The following KNTC1 variants were observed in gnomAD, a reference collection of about 807,000 sequenced individuals.
KNTC1 encodes the protein kinetochore associated 1.
A neutral mutation model predicts 314.4 loss-of-function variants in KNTC1; 253 were observed. The observed-to-expected ratio is 0.80, with a 90% CI of 0.73 to 0.89. The LOEUF is 0.89. Among genes scored for constraint, KNTC1 ranks in the 40% least tolerant of loss-of-function variants. KNTC1 has a pLI of 0.00. For synonymous variants in KNTC1, 901 were observed against 901.4 expected, an observed-to-expected ratio of 1.00 and a Z score of 0.01; for missense variants, 2,475 against 2,572.9, an observed-to-expected ratio of 0.96 and a Z score of 0.82.
At chr12:122,534,451 C>T (rs1961623910) in intron 2 of KNTC1, among the ~76,000 whole-genome samples, 1 of 152,184 alleles carries the variant, frequency 6.6e-6, no homozygotes, top group African/African-American at 2.4e-5. Flanking sequence ...CCTTCCTGCT[C>T]ATCCTGAACT....
In KNTC1 at chr12:122,569,816, G is replaced by A; in HGVS notation, c.1852G>A (p.Glu618Lys). The change falls in exon 22 of 64, where the codon GAA (glutamate) becomes AAA (lysine). Residue 618 changes from glutamate to lysine, a missense_variant. Physicochemically the swap from Glu to Lys is moderately conservative, Grantham distance 56. Coordinates refer to ENST00000333479, the MANE Select transcript of KNTC1 (RefSeq NM_014708.6). ...VIPFVRRTVP[E>K]GQIILAKWLE... ...TCCATTTGTAAGAAGGACTGTGCCT[G>A]AAGGACAGGTGAGTTGTCTTCAGTA... The A allele has an allele frequency of 3.1e-6, 5 of 1,610,900 alleles. No individual in the cohort carries two copies. The highest frequency in any genetic ancestry group is 4.2e-6 in the Non-Finnish European group (5 of 1,178,924).
rs566028216 is a variant in KNTC1 at position 122,622,146 on chromosome 12, G to A, written c.6369+176G>A. Among the ~76,000 whole-genome samples, 17 of 152,294 alleles carry A rather than the reference G, an allele frequency of 1.1e-4. No homozygotes were observed. In the South Asian group the frequency reaches 3.1e-3, roughly 28 times the overall value. ...TTTTTAAGAGGCAGGGACCCTGAGC[G>A]TCTTGTTGACTGCTGTACTCCATGG... On this transcript the variant is annotated intron_variant, in intron 61 of 63. Coordinates refer to ENST00000333479, the MANE Select transcript of KNTC1 (RefSeq NM_014708.6).
chr12:122,538,246 CGTT>C (rs1179452503), intron 3 of KNTC1, 90 bp from the exon 4 acceptor site: 2 of 679,428 alleles, frequency 2.9e-6, no homozygotes, highest in Admixed American at 5.5e-5. Flanking sequence ...CTTAAGTAAT[CGTT>C]GGCTTTTTAA....
chr12:122,554,076 A>AAAAAAAAATATATAT (rs370146333), intron 16 of KNTC1, among the ~76,000 whole-genome samples: 1 of 109,064 alleles, frequency 9.2e-6, no homozygotes, highest in African/African-American at 3.9e-5. Flanking sequence ...AAAAAAAAAA[A>AAAAAAAAATATATAT]ATATATATAT....
chr12:122,621,136 G>T (rs1257295902), intron 60 of KNTC1, among the ~76,000 whole-genome samples: 23 of 152,182 alleles, frequency 1.5e-4, no homozygotes, highest in Admixed American at 1.5e-3. Context: ...AGATAGAAGA[G>T]GGGGAGAGTC....
chr12:122,568,140 T>A, intron 20 of KNTC1, 121 bp from the exon 21 acceptor site: 1 of 611,180 alleles, frequency 1.6e-6, no homozygotes, highest in Non-Finnish European at 2.9e-6. Flanking sequence ...TTTTTTTAGT[T>A]TTTTGTTTTT....
In KNTC1 at chr12:122,587,787, GC is replaced by G. The variant is rs746626119; in HGVS notation, c.3808del (p.Leu1270Ter). 49 of 1,613,678 alleles carry G rather than the reference GC, an allele frequency of 3.0e-5. No individual in the cohort carries two copies. Among genetic ancestry groups the G allele is most frequent in the Non-Finnish European group, 4.0e-5 (47 of 1,179,778 alleles). On this transcript the variant is annotated frameshift_variant, in exon 39 of 64. Coordinates refer to ENST00000333479, the MANE Select transcript of KNTC1 (RefSeq NM_014708.6). LOFTEE classifies it high-confidence loss of function. ...QNLQESSQWE[L>X]ALRFVVGSFG... ...ATCTTCAGGAATCTAGCCAGTGGGAGCTAGCCCTAAGATTTGTGGTTGGTTC... is the reference window on the plus strand; with the variant it reads ...ATCTTCAGGAATCTAGCCAGTGGGAGTAGCCCTAAGATTTGTGGTTGGTTC...
intron 16 of KNTC1, 115 bp from the exon 17 acceptor site, chr12:122,557,269 G>A (rs145524830): frequency 1.1e-5 from 10 of 893,468 alleles, no homozygotes; most frequent in South Asian, 3.4e-5. Context: ...TTCCTGGAGC[G>A]CATGAGGATT....
chr12:122,561,162 A>T (rs1003243103), intron 18 of KNTC1, among the ~76,000 whole-genome samples: 1 of 151,892 alleles, frequency 6.6e-6, no homozygotes, highest in African/African-American at 2.4e-5. Context: ...AAATACAAAA[A>T]TAATTAGCCA....
Position 122,557,362 on chromosome 12 carries a change from A to G in KNTC1, c.1273-22A>G, listed in dbSNP as rs775316453. 5.0e-6 allele frequency: 8 copies of G among 1,601,820 alleles called. No individual in the cohort carries two copies. In the Admixed American group the frequency reaches 5.2e-5, roughly 10 times the overall value. The stretch of plus-strand genomic sequence containing the variant: ...GTATTATTGTACTTCAAATTGCTTG[A>G]TGTGGCGTGTTTATATTACAGCTTG... On this transcript the variant is annotated intron_variant, in intron 16 of 63. Transcript: ENST00000333479.
At position 122,579,403 on chromosome 12, in the gene KNTC1, G is replaced by A. The variant is rs570880083; in HGVS notation, c.2842-502G>A. On this transcript the variant is annotated intron_variant, in intron 31 of 63. Transcript: ENST00000333479. ...TTAAGTACCAGTTTGAATTGCTCCC[G>A]TTATGAAAATATTTGAATTTTTTTA... is the stretch of plus-strand genomic sequence containing the variant. Among the ~76,000 whole-genome samples the A allele has an allele frequency of 1.2e-3, 183 of 152,150 alleles. 1 individual carries two copies. Among genetic ancestry groups the A allele is most frequent in the Non-Finnish European group, 2.3e-3 (158 of 68,008 alleles).
At chr12:122,543,538 G>A (rs1962511560) in intron 6 of KNTC1, 62 bp from the exon 7 acceptor site, 2 of 1,168,408 alleles carry the variant, frequency 1.7e-6, no homozygotes, top group Non-Finnish European at 2.4e-6. Flanking sequence ...CACAAAACAG[G>A]TGACTTGTAT....
chr12:122,585,627 G>A lies in KNTC1; in HGVS notation c.3535-9G>A, dbSNP rs923790830. The stretch of plus-strand genomic sequence containing the variant: ...GAGTTCTCTCTTTTTTGTATGATTT[G>A]GCACCTAGGCTTCTTTTGGGACACA... On this transcript the variant is annotated splice_polypyrimidine_tract_variant and intron_variant, in intron 36 of 63. Transcript: ENST00000333479. 22 of 1,612,892 alleles carry A rather than the reference G, an allele frequency of 1.4e-5. No individual in the cohort carries two copies. Among genetic ancestry groups the A allele is most frequent in the African/African-American group, 4.0e-5 (3 of 74,818 alleles).
rs138341445 is a variant in KNTC1 at position 122,531,533 on chromosome 12, G to T, written c.129+1341G>T. Reference sequence around the variant, plus strand: ...TAAATGTACCATGAATCATGTTAAAGGCAGTATAATCCAACAATAAGATAA... The same window carrying T: ...TAAATGTACCATGAATCATGTTAAATGCAGTATAATCCAACAATAAGATAA... On this transcript the variant is annotated intron_variant, in intron 2 of 63. Transcript: ENST00000333479. Among the ~76,000 whole-genome samples, 18 of 152,206 alleles carry T rather than the reference G, an allele frequency of 1.2e-4. No homozygotes were observed. In the East Asian group the frequency reaches 3.5e-3, roughly 29 times the overall value.
At chr12:122,586,227 C>T (rs1175856633) in intron 37 of KNTC1, among the ~76,000 whole-genome samples, 2 of 152,150 alleles carry the variant, frequency 1.3e-5, no homozygotes, top group African/African-American at 2.4e-5. Flanking sequence ...GAATTACAGG[C>T]TCATGCCACC....
intron 34 of KNTC1, among the ~76,000 whole-genome samples, chr12:122,583,472 T>G (rs1251518844): frequency 3.3e-5 from 5 of 152,182 alleles, no homozygotes; most frequent in Non-Finnish European, 5.9e-5. Flanking sequence ...TTAGGTAACA[T>G]AACCATTAAA....
At chr12:122,622,116 T>A in intron 61 of KNTC1, 146 bp downstream of exon 61, 1 of 704,062 alleles carries the variant, frequency 1.4e-6, no homozygotes, top group Non-Finnish European at 2.4e-6. Flanking sequence ...AAAACCTCAG[T>A]AAATTTTTTA....
rs1314977511 is a variant in KNTC1, at chr12:122,604,953, T to C, written c.5252T>C (p.Val1751Ala). 6.2e-7 allele frequency: 1 copy of C among 1,612,086 alleles called. No homozygotes were observed. The highest frequency in any genetic ancestry group is 1.7e-5 in the Admixed American group (1 of 59,728). ...IQYRRSGTEA[V>A]LIAHKLNTEE... ...TACCGGCGATCGGGCACAGAAGCTG[T>C]GCTCATAGCCCACAAGCTGAACACT... The change falls in exon 50 of 64, where the codon GTG becomes GCG. Residue 1751 changes from valine (V) to alanine (A), a missense_variant. Coordinates refer to ENST00000333479, the MANE Select transcript of KNTC1 (RefSeq NM_014708.6).
intron 48 of KNTC1, 111 bp from the exon 49 acceptor site, chr12:122,604,453 A>G (rs1872352616): frequency 1.8e-6 from 1 of 561,182 alleles, no homozygotes; most frequent in South Asian, 2.4e-5. Flanking sequence ...AGCCATGAGT[A>G]TGCATTTTTG....
Sources: gnomAD v4.1 joint callset for allele counts (sites outside exome capture counted in the v4.1 genomes callset) on GRCh38, gnomAD v4.1.1 for gene constraint, MANE v1.5 for transcripts, NCBI Gene and HGNC (gene_info 2026-07-23, HGNC 2026-07-21) for gene names.